SEC14L5: variants seen among roughly 807,000 people sequenced by gnomAD.
SEC14L5 encodes SEC14-like protein 5.
SEC14L5 carries 96 observed loss-of-function variants against 84.6 expected under a neutral mutation model. The observed-to-expected ratio is 1.13, with a 90% CI of 0.96 to 1.34. The LOEUF (loss-of-function observed/expected upper bound fraction) is 1.34, where lower values mean the gene tolerates loss of function less well. SEC14L5 is among the 40% of genes most tolerant of loss of function. The pLI, the probability that SEC14L5 is intolerant of heterozygous loss-of-function variation, is 0.00. For missense variants in SEC14L5, 1,224 were observed against 942.5 expected, an observed-to-expected ratio of 1.30 and a Z score of -3.91; for synonymous variants, 546 against 383.4, an observed-to-expected ratio of 1.42 and a Z score of -4.95.
chr16:4,980,348 C>A (rs1045985359), intron 2 of SEC14L5, among the ~76,000 whole-genome samples: 1 of 152,180 alleles, frequency 6.6e-6, no homozygotes, highest in South Asian at 2.1e-4. Flanking sequence ...ACCTTCCTTT[C>A]CTTTCGAAGT....
At chr16:4,987,441 T>G (rs1261795986) in intron 2 of SEC14L5, 116 bp from the exon 3 acceptor site, 7 of 837,100 alleles carry the variant, frequency 8.4e-6, no homozygotes, top group Non-Finnish European at 1.2e-5. Flanking sequence ...CCCCTTCCAG[T>G]GGCCAGGGCT....
At chr16:4,980,166 G>A (rs1296555559) in intron 2 of SEC14L5, among the ~76,000 whole-genome samples, 4 of 152,204 alleles carry the variant, frequency 2.6e-5, no homozygotes, top group African/African-American at 9.6e-5. Context: ...GGCATTGTAA[G>A]GATGAAGCGA....
rs200916662 is a variant in SEC14L5 at position 4,978,425 on chromosome 16, AAGG to A, written c.64-9130_64-9128del. Among the ~76,000 whole-genome samples, 26 of 66,308 alleles carry A rather than the reference AAGG, an allele frequency of 3.9e-4. 2 individuals carry two copies. Among genetic ancestry groups the A allele is most frequent in the South Asian group, 1.6e-3 (2 of 1,286 alleles). 43.5% of individuals were successfully genotyped at this position (66,308 alleles called of 152,430 possible). The stretch of plus-strand genomic sequence containing the variant: ...GAGTCAGACTCCGTCTCAAAAAAAA[AAGG>A]AAAAAAAAGAAACAAGATCTTGCTC... On this transcript the variant is annotated intron_variant, in intron 2 of 15. Transcript: ENST00000251170.
rs776944543 is a variant in SEC14L5, at chr16:5,011,946, A to G, written c.1979+673A>G. Among the ~76,000 whole-genome samples, 72 of 152,328 alleles carry G rather than the reference A, an allele frequency of 4.7e-4. 1 individual carries two copies. The highest frequency in any genetic ancestry group is 6.5e-4 in the Admixed American group (10 of 15,306). On this transcript the variant is annotated intron_variant, in intron 15 of 15. Transcript: ENST00000251170. ...GGTTTTGCATTCTGTAAAAGCACTTATGATTTTGCACCCTGCTTCATGATG... is the reference window on the plus strand; with the variant it reads ...GGTTTTGCATTCTGTAAAAGCACTTGTGATTTTGCACCCTGCTTCATGATG...
intron 2 of SEC14L5, among the ~76,000 whole-genome samples, chr16:4,961,400 C>T (rs1163675192): frequency 6.6e-6 from 1 of 152,216 alleles, no homozygotes; most frequent in Non-Finnish European, 1.5e-5. Flanking sequence ...GCCATCTTGG[C>T]TCACTGCAAC....
At chr16:5,013,817 C>T (rs1358262305) in intron 15 of SEC14L5, among the ~76,000 whole-genome samples, 1 of 152,048 alleles carries the variant, frequency 6.6e-6, no homozygotes. Context: ...TTCGGCCTCC[C>T]AAAGGGCTGG....
chr16:4,990,800 G>A lies in SEC14L5; in HGVS notation c.379G>A (p.Glu127Lys), dbSNP rs369654000. The A allele has an allele frequency of 1.9e-5, 30 of 1,611,586 alleles. No individual in the cohort carries two copies. Among genetic ancestry groups the A allele is most frequent in the African/African-American group, 1.2e-4 (9 of 74,708 alleles). ...HPENEDWTCF[E>K]QSASLDIRSF... is the part of the protein sequence containing the mutation. ...TGAGAATGAAGACTGGACTTGCTTCGAGCAGTCTGCCTCACTGGACATTCG... is the reference window on the plus strand; with the variant it reads ...TGAGAATGAAGACTGGACTTGCTTCAAGCAGTCTGCCTCACTGGACATTCG... Residue 127 changes from glutamate (E) to lysine (K), a missense_variant, in exon 5 of 16, where the codon GAG becomes AAG. Glu to Lys is a moderately conservative substitution (Grantham distance 56). Transcript: ENST00000251170.
intron 15 of SEC14L5, among the ~76,000 whole-genome samples, chr16:5,012,482 G>A (rs1219197795): frequency 6.6e-6 from 1 of 152,200 alleles, no homozygotes; most frequent in Non-Finnish European, 1.5e-5. Context: ...TCGGATCGTG[G>A]GGGGACCACA....
chr16:5,006,327 G>T (rs559210397), intron 12 of SEC14L5, among the ~76,000 whole-genome samples: 2 of 152,354 alleles, frequency 1.3e-5, no homozygotes, highest in South Asian at 4.1e-4. Flanking sequence ...GATTAGGCCA[G>T]TCAAAGGCTT....
Position 4,991,876 on chromosome 16 carries a change from C to G in SEC14L5, c.513C>G (p.Ile171Met). The change falls in exon 6 of 16, where the codon ATC (isoleucine) becomes ATG (methionine). Residue 171 changes from isoleucine (I) to methionine (M), a missense_variant. Physicochemically the swap from Ile to Met is conservative, Grantham distance 10. Transcript: ENST00000251170. ...EVIEHYLNELISQGTSHIPRW... is the reference protein window; with the variant it reads ...EVIEHYLNELMSQGTSHIPRW... ...TTGAGCATTACCTGAATGAGCTCAT[C>G]TCCCAGGGTACCTCGCACATTCCGC... 1 of 1,610,104 alleles carries G rather than the reference C, an allele frequency of 6.2e-7. No homozygotes were observed. Among genetic ancestry groups the G allele is most frequent in the African/African-American group, 1.3e-5 (1 of 75,014 alleles).
chr16:4,977,180 C>G (rs955157766), intron 2 of SEC14L5, among the ~76,000 whole-genome samples: 1 of 152,078 alleles, frequency 6.6e-6, no homozygotes, highest in African/African-American at 2.4e-5. Context: ...GGTGCAGTGG[C>G]TCACGCCTGT....
At chr16:5,004,563 C>T (rs60196269) in intron 11 of SEC14L5, among the ~76,000 whole-genome samples, 3 of 151,824 alleles carry the variant, frequency 2.0e-5, no homozygotes, top group African/African-American at 4.8e-5. Flanking sequence ...TTGCAGAATC[C>T]TGGGGAAAGC....
chr16:5,008,355 C>A, intron 13 of SEC14L5, 66 bp from the exon 14 acceptor site: 1 of 1,210,328 alleles, frequency 8.3e-7, no homozygotes, highest in Admixed American at 2.0e-5. Context: ...CCTCCTGCCA[C>A]TGTGTTCCCC....
intron 15 of SEC14L5, among the ~76,000 whole-genome samples, chr16:5,013,859 C>T (rs1454369135): frequency 6.6e-6 from 1 of 151,888 alleles, no homozygotes; most frequent in African/African-American, 2.4e-5. Context: ...TGCCTGGCCA[C>T]TTTTAAAATT....
chr16:5,003,906 G>T (rs905154568), intron 11 of SEC14L5, among the ~76,000 whole-genome samples: 5 of 152,236 alleles, frequency 3.3e-5, no homozygotes, highest in Admixed American at 2.6e-4. Context: ...TGTTATAGGT[G>T]TGAGCCACTG....
chr16:5,003,854 G>C (rs1169871284), intron 11 of SEC14L5, among the ~76,000 whole-genome samples: 1 of 152,178 alleles, frequency 6.6e-6, no homozygotes, highest in Non-Finnish European at 1.5e-5. Flanking sequence ...TCAAATTCCT[G>C]GGCTCAAGCG....
rs1955617329 is a variant in SEC14L5 at position 4,996,892 on chromosome 16, C to T, written c.818C>T (p.Ala273Val). ...GAGCACATCCTTCGGTTCCTGCGGG[C>T]TCATGACTTCCACCTGGACAAGGCC... ...KDEHILRFLR[A>V]HDFHLDKARE... Residue 273 changes from alanine (A) to valine (V), a missense_variant, in exon 8 of 16, where the codon GCT (alanine) becomes GTT (valine). Transcript: ENST00000251170. 2 of 1,613,664 alleles carry T rather than the reference C, an allele frequency of 1.2e-6. No homozygotes were observed. Among genetic ancestry groups the T allele is most frequent in the African/African-American group, 2.7e-5 (2 of 75,018 alleles).
At chr16:5,011,406 A>G in intron 15 of SEC14L5, 133 bp downstream of exon 15, 3 of 854,656 alleles carry the variant, frequency 3.5e-6, no homozygotes, top group Non-Finnish European at 5.4e-6. Context: ...GTATGGTTGG[A>G]GTTCTCAGGT....
At position 5,007,505 on chromosome 16, in the gene SEC14L5, G is replaced by A; in HGVS notation, c.1572+19G>A. ...CCACGAGGTGCCAGGGCCTGGCCGG[G>A]GAGGGCCCGCTGAGCTGGAGTGTCT... On this transcript the variant is annotated intron_variant, in intron 13 of 15. Coordinates refer to ENST00000251170, the MANE Select transcript of SEC14L5 (RefSeq NM_014692.2). 2 of 1,611,102 alleles carry A rather than the reference G, an allele frequency of 1.2e-6. No homozygotes were observed. The highest frequency in any genetic ancestry group is 1.1e-5 in the South Asian group (1 of 90,602).
Sources: allele counts gnomAD v4.1 joint callset (sites outside exome capture counted in the v4.1 genomes callset), GRCh38; gene constraint gnomAD v4.1.1; transcripts MANE v1.5; gene names NCBI Gene and HGNC (gene_info 2026-07-23, HGNC 2026-07-21).